XIST: variants seen among roughly 807,000 people sequenced by gnomAD.
XIST encodes X inactive specific transcript.
At position 73,851,191 on chromosome X, in the gene XIST, C is replaced by T. The variant is rs773657935; in HGVS notation, n.1533G>A. The T allele has an allele frequency of 4.8e-5, 27 of 559,657 alleles. No homozygotes were observed. In the South Asian group the frequency reaches 6.0e-4, roughly 12 times the overall value. 46.1% of individuals were successfully genotyped at this position (559,657 alleles called of 1,213,427 possible). ...ACCTTTTCTCCCGCTCTGCGTGGCA[C>T]TAGGCGGCAAAACCCGCCATCTTTA... On this transcript the variant is annotated non_coding_transcript_exon_variant, in exon 1 of 6. Coordinates refer to ENST00000429829, the Ensembl canonical transcript of XIST.
exon 1 of XIST, chrX:73,852,587 T>A: frequency 2.0e-6 from 1 of 492,107 alleles, no homozygotes; most frequent in Non-Finnish European, 3.5e-6. Context: ...TTTATGGAAT[T>A]TAGGTGATTT....
chrX:73,826,796 C>T (rs760727418), exon 6 of XIST: 3 of 556,127 alleles, frequency 5.4e-6, no homozygotes, highest in Non-Finnish European at 9.7e-6. Flanking sequence ...GCCTTCCATC[C>T]TTGGGTTGTA....
At chrX:73,823,309 C>CTTTT (rs375977945) in exon 6 of XIST, 5 of 438,172 alleles carry the variant, frequency 1.1e-5, no homozygotes, top group East Asian at 7.8e-5. Flanking sequence ...ATTTTTCTTT[C>CTTTT]TTTTTTTTTT....
At chrX:73,834,757 G>A (rs1397634554) in intron 2 of XIST, among the ~76,000 whole-genome samples, 1 of 99,617 alleles carries the variant, frequency 1.0e-5, no homozygotes, top group Non-Finnish European at 2.0e-5. Flanking sequence ...AGGCCAAGGC[G>A]AGTGGATCAC....
exon 6 of XIST, chrX:73,825,970 A>G (rs1403912672): frequency 9.0e-6 from 5 of 557,428 alleles, no homozygotes; most frequent in Non-Finnish European, 1.6e-5. Context: ...ACCCAGGAGT[A>G]GCGTTGGCAC....
chrX:73,848,126 T>C (rs778126692), exon 1 of XIST: 1 of 557,152 alleles, frequency 1.8e-6, no homozygotes, highest in East Asian at 3.3e-5. Flanking sequence ...CACCCTCTAC[T>C]GTAATGCTAA....
chrX:73,851,489 C>T (rs1462623813), exon 1 of XIST: 1 of 559,197 alleles, frequency 1.8e-6, no homozygotes, highest in Admixed American at 2.2e-5. Flanking sequence ...AGAACTGGAT[C>T]CGCCATTTTG....
At chrX:73,825,394 T>A (rs751414497) in exon 6 of XIST, 1 of 556,548 alleles carries the variant, frequency 1.8e-6, no homozygotes, top group Non-Finnish European at 3.2e-6. Flanking sequence ...CCACAACGCT[T>A]ATCACAGTAG....
At chrX:73,841,589 A>C (rs1569512229) in exon 1 of XIST, 1 of 557,117 alleles carries the variant, frequency 1.8e-6, no homozygotes, top group East Asian at 3.3e-5. Context: ...AACACCCTGT[A>C]CACTAGTGGC....
chrX:73,849,740 G>A (rs369869864), exon 1 of XIST: 22 of 551,135 alleles, frequency 4.0e-5, no homozygotes, highest in African/African-American at 1.8e-4. Context: ...AGTATAATAG[G>A]ATAAGCAATG....
exon 1 of XIST, chrX:73,852,676 C>T (rs891445026): frequency 2.8e-5 from 13 of 466,418 alleles, no homozygotes; most frequent in Non-Finnish European, 3.7e-5. Context: ...GAGAGATCTT[C>T]AGTCAGGAAG....
At chrX:73,842,257 C>A (rs761515075) in exon 1 of XIST, 2 of 539,527 alleles carry the variant, frequency 3.7e-6, no homozygotes, top group Non-Finnish European at 6.7e-6. Context: ...AAGGGGACAA[C>A]AAGAGATTCT....
At chrX:73,846,151 C>T (rs375764323) in exon 1 of XIST, 14 of 552,070 alleles carry the variant, frequency 2.5e-5, no homozygotes, top group Admixed American at 1.4e-4. Context: ...ACACAGGAAC[C>T]GGGACAAACA....
chrX:73,835,919 TC>T (rs1922474597), intron 2 of XIST, among the ~76,000 whole-genome samples: 1 of 112,112 alleles, frequency 8.9e-6, no homozygotes, highest in Admixed American at 9.5e-5. Context: ...ATGCTGTTAA[TC>T]AGGGCACTTT....
exon 6 of XIST, chrX:73,826,916 C>T (rs754633448): frequency 1.8e-6 from 1 of 558,811 alleles, no homozygotes; most frequent in Admixed American, 2.2e-5. Flanking sequence ...ACTTCTAACT[C>T]AAGCCTTGAG....
chrX:73,822,221 G>A (rs768950286), exon 6 of XIST: 1 of 556,745 alleles, frequency 1.8e-6, no homozygotes, highest in African/African-American at 2.2e-5. Context: ...GATGGACTAG[G>A]AAAATGAAGT....
At chrX:73,851,655 T>C (rs764074712) in exon 1 of XIST, 11 of 557,066 alleles carry the variant, frequency 2.0e-5, no homozygotes, top group Non-Finnish European at 2.9e-5. Context: ...GATACAACAA[T>C]CACGCAAAGC....
chrX:73,849,426 G>T (rs1380733403), exon 1 of XIST: 4 of 557,134 alleles, frequency 7.2e-6, no homozygotes, highest in Non-Finnish European at 1.3e-5. Context: ...AAGAGTTTTA[G>T]GTGGCCAACA....
exon 1 of XIST, chrX:73,846,240 T>C (rs746709751): frequency 5.4e-6 from 3 of 558,642 alleles, no homozygotes; most frequent in Non-Finnish European, 9.7e-6. Context: ...GGTCTGAGAG[T>C]AGGATTTTAT....
Sources: allele counts gnomAD v4.1 joint callset (sites outside exome capture counted in the v4.1 genomes callset), GRCh38; gene constraint gnomAD v4.1.1; transcripts MANE v1.5; gene names NCBI Gene and HGNC (gene_info 2026-07-23, HGNC 2026-07-21).